RNF130: variants seen among roughly 807,000 people sequenced by gnomAD.
The protein encoded by RNF130 is ring finger protein 130, also known as E3 ubiquitin-protein ligase RNF130.
Under a neutral mutation model 44.6 loss-of-function variants are expected in RNF130, and 21 were observed. The observed-to-expected ratio is 0.47, with a 90% CI of 0.33 to 0.68. RNF130 has a LOEUF of 0.68. Among genes scored for constraint, RNF130 ranks in the 30% least tolerant of loss-of-function variants. The pLI is 0.02. For synonymous variants in RNF130, 214 were observed against 210.4 expected, an observed-to-expected ratio of 1.02 and a Z score of -0.15; for missense variants, 479 against 560.6, an observed-to-expected ratio of 0.85 and a Z score of 1.47.
At chr5:179,919,254 CAT>C (rs1040670713) in exon 8 of RNF130, 2 of 152,282 alleles carry the variant, frequency 1.3e-5, no homozygotes, top group African/African-American at 4.8e-5. Flanking sequence ...GAAGATCCCA[CAT>C]GTCCCTGATG....
chr5:180,004,932 A>T (rs1244588011), intron 3 of RNF130, among the ~76,000 whole-genome samples: 1 of 150,194 alleles, frequency 6.7e-6, no homozygotes, highest in Non-Finnish European at 1.5e-5. Flanking sequence ...ATTTTTTCCC[A>T]TTTTTTTTTC....
chr5:180,066,818 G>A (rs1765118263), intron 1 of RNF130, among the ~76,000 whole-genome samples: 1 of 152,050 alleles, frequency 6.6e-6, no homozygotes, highest in Non-Finnish European at 1.5e-5. Context: ...GGCAACAAGA[G>A]CGAAACTCTG....
intron 1 of RNF130, among the ~76,000 whole-genome samples, chr5:180,062,266 T>G (rs1207499133): frequency 6.6e-6 from 1 of 152,060 alleles, no homozygotes; most frequent in African/African-American, 2.4e-5. Flanking sequence ...TTCACCATGT[T>G]GGTCAGGATG....
chr5:180,039,049 A>G (rs1418396586), intron 2 of RNF130, among the ~76,000 whole-genome samples: 2 of 152,216 alleles, frequency 1.3e-5, no homozygotes, highest in Non-Finnish European at 1.5e-5. Flanking sequence ...ATAGATGTCC[A>G]GCTAAATTAA....
exon 8 of RNF130, chr5:179,915,572 C>T (rs894246098): frequency 1.3e-5 from 2 of 152,340 alleles, no homozygotes; most frequent in African/African-American, 4.8e-5. Context: ...GCTTCTATCT[C>T]CCTCTTCTTC....
At chr5:180,041,176 T>C (rs1025355488) in intron 1 of RNF130, among the ~76,000 whole-genome samples, 3 of 152,228 alleles carry the variant, frequency 2.0e-5, no homozygotes, top group African/African-American at 7.2e-5. Context: ...TTAGAGCAAA[T>C]TTCTTCATAA....
Position 179,935,872 on chromosome 5 carries a change from T to C in RNF130, c.1151-15446A>G, listed in dbSNP as rs145301223. On this transcript the variant is annotated intron_variant, in intron 7 of 7. Transcript: ENST00000522208. Reference sequence around the variant, plus strand: ...AGTACTTTGACTCCTTCCTGGACAATGCAAGCATGTTAGAGCAGTTTTACC... The same window carrying C: ...AGTACTTTGACTCCTTCCTGGACAACGCAAGCATGTTAGAGCAGTTTTACC... Among the ~76,000 whole-genome samples the C allele has an allele frequency of 4.0e-4, 61 of 152,234 alleles. No individual in the cohort carries two copies. In the East Asian group the frequency reaches 0.011, roughly 28 times the overall value.
chr5:179,916,242 GCTT>G (rs1175191563), exon 8 of RNF130: 1 of 152,106 alleles, frequency 6.6e-6, no homozygotes, highest in African/African-American at 2.4e-5. Flanking sequence ...GTTAAAACTA[GCTT>G]CAGCCGGGCG....
intron 3 of RNF130, among the ~76,000 whole-genome samples, chr5:179,991,334 CA>C (rs1353253248): frequency 7.2e-5 from 11 of 152,168 alleles, no homozygotes; most frequent in Non-Finnish European, 4.4e-5. Context: ...AGTCCTTTTG[CA>C]ATGTATTTGC....
intron 2 of RNF130, among the ~76,000 whole-genome samples, chr5:180,023,272 T>C (rs1453648249): frequency 6.6e-6 from 1 of 152,238 alleles, no homozygotes; most frequent in Admixed American, 6.5e-5. Context: ...TACACGCATG[T>C]ATTTCCTTGT....
chr5:179,944,746 G>A (rs1189210845), intron 7 of RNF130, among the ~76,000 whole-genome samples: 3 of 150,142 alleles, frequency 2.0e-5, no homozygotes, highest in Non-Finnish European at 4.4e-5. Flanking sequence ...GATAAAGTGA[G>A]ACCCTGTCTC....
chr5:179,979,563 A>G (rs1762785824), intron 4 of RNF130, among the ~76,000 whole-genome samples: 1 of 152,098 alleles, frequency 6.6e-6, no homozygotes, highest in African/African-American at 2.4e-5. Flanking sequence ...CAGCACTAAG[A>G]TGCAACTGTG....
exon 8 of RNF130, chr5:179,917,320 C>G (rs904593649): frequency 6.6e-6 from 1 of 152,456 alleles, no homozygotes; most frequent in Non-Finnish European, 1.5e-5. Context: ...GGTCTCCTCA[C>G]CCGGGCACAG....
At chr5:180,039,326 A>T (rs1175406472) in intron 2 of RNF130, among the ~76,000 whole-genome samples, 2 of 150,898 alleles carry the variant, frequency 1.3e-5, no homozygotes, top group Non-Finnish European at 3.0e-5. Context: ...TGCAACCTCC[A>T]CCTCCTGGGC....
At chr5:179,958,164 A>G (rs1229446686) in intron 8 of RNF130, among the ~76,000 whole-genome samples, 2 of 152,248 alleles carry the variant, frequency 1.3e-5, no homozygotes, top group African/African-American at 2.4e-5. Flanking sequence ...GGCGTGAGCC[A>G]CCGCGCCCGG....
intron 2 of RNF130, among the ~76,000 whole-genome samples, chr5:180,038,105 G>A (rs796743245): frequency 1.3e-5 from 2 of 152,320 alleles, no homozygotes; most frequent in African/African-American, 4.8e-5. Context: ...CCAGGACGCA[G>A]TGCAGTGGTG....
At chr5:179,918,987 C>T (rs1343868070) in exon 8 of RNF130, 1 of 152,260 alleles carries the variant, frequency 6.6e-6, no homozygotes, top group Non-Finnish European at 1.5e-5. Flanking sequence ...GGGATTCACG[C>T]ATCTGCTTCG....
At chr5:179,964,144 A>T (rs932150401) in intron 7 of RNF130, 4 of 152,510 alleles carry the variant, frequency 2.6e-5, no homozygotes, top group African/African-American at 9.7e-5. Flanking sequence ...CTGGTGTCTC[A>T]AGAAAGTAGA....
chr5:179,990,051 C>T (rs1372126125), intron 3 of RNF130, among the ~76,000 whole-genome samples: 2 of 151,934 alleles, frequency 1.3e-5, no homozygotes, highest in Non-Finnish European at 2.9e-5. Context: ...GTGGGTTTTT[C>T]TCCCCATGTG....
Sources: allele counts gnomAD v4.1 joint callset (sites outside exome capture counted in the v4.1 genomes callset), GRCh38; gene constraint gnomAD v4.1.1; transcripts MANE v1.5; gene names NCBI Gene and HGNC (gene_info 2026-07-23, HGNC 2026-07-21).